Variants in TTC7B observed in about 807,000 individuals in gnomAD.
TTC7B encodes tetratricopeptide repeat domain 7B, also known as tetratricopeptide repeat protein 7B.
A neutral mutation model predicts 106.8 loss-of-function variants in TTC7B; 28 were observed. That is an observed-to-expected ratio of 0.26 (90% CI 0.19 to 0.36). The LOEUF is 0.36. Ranked by LOEUF, TTC7B falls within the 10% of genes least tolerant of loss-of-function variation. The probability of loss-of-function intolerance (pLI) is 1.00; values close to 1 mark genes in which losing one functional copy is unlikely to be tolerated. For synonymous variants in TTC7B, 405 were observed against 430.6 expected (o/e 0.94, Z 0.74); for missense variants, 862 against 1,076.4 (o/e 0.80, Z 2.79).
chr14:90,813,830 A>G (rs1477340240), intron 1 of TTC7B, among the ~76,000 whole-genome samples: 1 of 152,186 alleles, frequency 6.6e-6, no homozygotes, highest in Non-Finnish European at 1.5e-5. Flanking sequence ...CCGAGAATCT[A>G]TGGGGGAGCC....
At position 90,533,605 on chromosome 14, in the gene TTC7B, A is replaced by C. The variant is rs1335747296; in HGVS notation, c.*7763T>G. 1 of 152,392 alleles carries C rather than the reference A, an allele frequency of 6.6e-6. No individual in the cohort carries two copies. The highest frequency in any genetic ancestry group is 2.4e-5 in the African/African-American group (1 of 41,456). The allele number at this position is 152,392 out of a possible 1,614,324, so 9.4% of individuals were successfully genotyped here. ...TCCCCGACCATAGAGATGAGGAGAC[A>C]GAGTGCTTCCCCATCAGAGGTGACA... On this transcript the variant is annotated 3_prime_UTR_variant, in exon 20 of 20. Coordinates refer to ENST00000328459, the MANE Select transcript of TTC7B (RefSeq NM_001010854.2).
intron 15 of TTC7B, among the ~76,000 whole-genome samples, chr14:90,639,537 A>C (rs765877576): frequency 6.6e-6 from 1 of 152,226 alleles, no homozygotes; most frequent in African/African-American, 2.4e-5. Context: ...GTCGGGCAGC[A>C]CCAAGTATTG....
chr14:90,729,755 G>A (rs1045499158), intron 5 of TTC7B, among the ~76,000 whole-genome samples: 2 of 152,140 alleles, frequency 1.3e-5, no homozygotes, highest in African/African-American at 2.4e-5. Flanking sequence ...TGGGGAGGCC[G>A]ATGCAGAGCC....
chr14:90,789,103 T>C (rs916506627), intron 1 of TTC7B, among the ~76,000 whole-genome samples: 1 of 152,194 alleles, frequency 6.6e-6, no homozygotes, highest in Non-Finnish European at 1.5e-5. Flanking sequence ...AAATTTTGTT[T>C]TGTTTTGTTT....
At chr14:90,589,114 A>G (rs1891845536) in intron 18 of TTC7B, among the ~76,000 whole-genome samples, 1 of 152,226 alleles carries the variant, frequency 6.6e-6, no homozygotes, top group Non-Finnish European at 1.5e-5. Context: ...CAAGGGCGTG[A>G]GAAAGTGGAC....
chr14:90,644,286 A>G, intron 14 of TTC7B, 78 bp from the exon 15 acceptor site: 1 of 1,142,432 alleles, frequency 8.8e-7, no homozygotes, highest in Non-Finnish European at 1.2e-6. Flanking sequence ...CACACGCGCG[A>G]AAGAAGCCAT....
At chr14:90,591,318 G>T (rs1455395001) in intron 18 of TTC7B, among the ~76,000 whole-genome samples, 1 of 152,126 alleles carries the variant, frequency 6.6e-6, no homozygotes, top group African/African-American at 2.4e-5. Context: ...TCCAGCCTGG[G>T]CCAAAGAGTG....
intron 4 of TTC7B, among the ~76,000 whole-genome samples, chr14:90,732,955 T>C (rs1889381186): frequency 6.6e-6 from 1 of 152,192 alleles, no homozygotes; most frequent in Non-Finnish European, 1.5e-5. Flanking sequence ...CATCCTTTCC[T>C]ATTCCTTCAT....
chr14:90,573,261 C>A (rs61986999), intron 19 of TTC7B, among the ~76,000 whole-genome samples: 3 of 152,294 alleles, frequency 2.0e-5, no homozygotes, highest in Non-Finnish European at 2.9e-5. Context: ...TGCAGGTGGA[C>A]GCAGCAGTTC....
chr14:90,642,230 G>T (rs1407100636), intron 15 of TTC7B, among the ~76,000 whole-genome samples: 1 of 152,080 alleles, frequency 6.6e-6, no homozygotes, highest in Non-Finnish European at 1.5e-5. Context: ...GCCTACAAAA[G>T]AAATCTCTAG....
chr14:90,806,265 C>T (rs1337078509), intron 1 of TTC7B, among the ~76,000 whole-genome samples: 1 of 152,234 alleles, frequency 6.6e-6, no homozygotes, highest in East Asian at 1.9e-4. Context: ...GAATGAACGG[C>T]TGGAGGAGGA....
chr14:90,722,304 C>A (rs1251284316), intron 5 of TTC7B, among the ~76,000 whole-genome samples: 2 of 152,140 alleles, frequency 1.3e-5, no homozygotes. Flanking sequence ...ATGGTTCCTG[C>A]TGAGGTTAAA....
chr14:90,687,284 T>C (rs1416476448), intron 7 of TTC7B, among the ~76,000 whole-genome samples: 1 of 152,246 alleles, frequency 6.6e-6, no homozygotes, highest in Non-Finnish European at 1.5e-5. Flanking sequence ...TAGACAGTGC[T>C]ACTACGGGAA....
At chr14:90,762,464 T>G (rs1595356328) in intron 3 of TTC7B, among the ~76,000 whole-genome samples, 2 of 152,226 alleles carry the variant, frequency 1.3e-5, no homozygotes, top group East Asian at 3.8e-4. Flanking sequence ...TTCTTTCTAA[T>G]CTATTCTCCA....
At chr14:90,613,484 A>T (rs1322565813) in intron 16 of TTC7B, among the ~76,000 whole-genome samples, 2 of 152,238 alleles carry the variant, frequency 1.3e-5, no homozygotes, top group African/African-American at 2.4e-5. Context: ...TTTACATGGT[A>T]TAGAGTCTTT....
chr14:90,658,255 G>T, intron 10 of TTC7B, 49 bp downstream of exon 10: 2 of 1,481,766 alleles, frequency 1.3e-6, no homozygotes, highest in Non-Finnish European at 1.9e-6. Context: ...CAACTCTTTG[G>T]CCTTAATAGG....
intron 7 of TTC7B, among the ~76,000 whole-genome samples, chr14:90,682,343 C>G (rs1011858438): frequency 6.6e-6 from 1 of 152,198 alleles, no homozygotes; most frequent in Non-Finnish European, 1.5e-5. Context: ...ACTTCCTCTA[C>G]CCTCCCTATT....
At position 90,799,776 on chromosome 14, in the gene TTC7B, T is replaced by C. The variant is rs546824110; in HGVS notation, c.122-13448A>G. On this transcript the variant is annotated intron_variant, in intron 1 of 19. Coordinates refer to ENST00000328459, the MANE Select transcript of TTC7B (RefSeq NM_001010854.2). ...GGTCTGGCATTCATGTGAAGTGCAA[T>C]TGGGAGTCTGAAGGTTTTTAAGCAG... Among the ~76,000 whole-genome samples, 8 of 152,072 alleles carry C rather than the reference T, an allele frequency of 5.3e-5. No individual in the cohort carries two copies. The South Asian group carries it at 1.0e-3, about 20-fold the overall frequency.
At chr14:90,716,807 C>T (rs961273811) in intron 5 of TTC7B, among the ~76,000 whole-genome samples, 9 of 152,062 alleles carry the variant, frequency 5.9e-5, no homozygotes, top group Non-Finnish European at 1.2e-4. Flanking sequence ...GCTTCTGTTG[C>T]TAATTTGCCA....
Sources: allele counts gnomAD v4.1 joint callset (sites outside exome capture counted in the v4.1 genomes callset), GRCh38; gene constraint gnomAD v4.1.1; transcripts MANE v1.5; gene names NCBI Gene and HGNC (gene_info 2026-07-23, HGNC 2026-07-21).